STX8: variants seen among roughly 807,000 people sequenced by gnomAD.
STX8 encodes syntaxin 8.
Under a neutral mutation model 37.5 loss-of-function variants are expected in STX8, and 23 were observed. The observed-to-expected ratio is 0.61, with a 90% CI of 0.44 to 0.87. STX8 has a LOEUF of 0.87. Ranked by LOEUF, STX8 falls within the 40% of genes least tolerant of loss-of-function variation. The pLI is 0.00. For synonymous variants in STX8, 115 were observed against 99.1 expected, an observed-to-expected ratio of 1.16 and a Z score of -0.95; for missense variants, 313 against 284.7, an observed-to-expected ratio of 1.10 and a Z score of -0.71.
chr17:9,393,379 G>T (rs937132258), intron 6 of STX8, among the ~76,000 whole-genome samples: 1 of 152,178 alleles, frequency 6.6e-6, no homozygotes, highest in South Asian at 2.1e-4. Flanking sequence ...GAAGAAAAAC[G>T]ATACCAGTAG....
chr17:9,462,728 C>G (rs937609430), intron 6 of STX8, among the ~76,000 whole-genome samples: 1 of 152,038 alleles, frequency 6.6e-6, no homozygotes, highest in African/African-American at 2.4e-5. Flanking sequence ...GTCTCAACAA[C>G]GAAATAATTT....
At chr17:9,551,852 C>T (rs1226539345) in intron 3 of STX8, among the ~76,000 whole-genome samples, 1 of 151,526 alleles carries the variant, frequency 6.6e-6, no homozygotes, top group Non-Finnish European at 1.5e-5. Flanking sequence ...GGCACCTAGA[C>T]ATTCAGGTTT....
intron 5 of STX8, among the ~76,000 whole-genome samples, chr17:9,500,441 A>T (rs1359020596): frequency 1.2e-4 from 19 of 152,174 alleles, no homozygotes; most frequent in Non-Finnish European, 2.5e-4. Flanking sequence ...ATGGGAGAAC[A>T]CAGGTGGAAC....
chr17:9,350,148 G>A (rs114985217), intron 7 of STX8, among the ~76,000 whole-genome samples: 162 of 148,452 alleles, frequency 1.1e-3, no homozygotes, highest in African/African-American at 3.7e-3. Context: ...GCCATAGCTG[G>A]ATGTGAGGAG....
At chr17:9,473,114 C>T (rs1348704851) in intron 6 of STX8, among the ~76,000 whole-genome samples, 2 of 151,520 alleles carry the variant, frequency 1.3e-5, no homozygotes, top group African/African-American at 4.9e-5. Flanking sequence ...ACAATCTCAG[C>T]TCACTGCAAC....
At chr17:9,380,505 C>G (rs1397548821) in intron 6 of STX8, among the ~76,000 whole-genome samples, 1 of 151,734 alleles carries the variant, frequency 6.6e-6, no homozygotes, top group Non-Finnish European at 1.5e-5. Flanking sequence ...CCTCTTGTGT[C>G]AGCCTCTCAA....
At chr17:9,554,707 C>A (rs900418477) in intron 3 of STX8, 17 of 152,072 alleles carry the variant, frequency 1.1e-4, no homozygotes, top group Non-Finnish European at 2.5e-4. Flanking sequence ...GAGTTCAAGA[C>A]CAGCCTGGCC....
At position 9,518,502 on chromosome 17, in the gene STX8, T is replaced by TC. The variant is rs566925082; in HGVS notation, c.324-13341_324-13340insG. 7.9e-5 allele frequency among the ~76,000 whole-genome samples: 12 copies of TC among 152,282 alleles called. No homozygotes were observed. The East Asian group carries it at 2.3e-3, about 29-fold the overall frequency. ...ATGTGGGTTCCTTGGGAATTCGACT[T>TC]AGATCTGCTCCTCTCACGGTATTGT... On this transcript the variant is annotated intron_variant, in intron 4 of 7. Transcript: ENST00000306357.
At chr17:9,260,395 G>A (rs867967344) in intron 7 of STX8, among the ~76,000 whole-genome samples, 14 of 152,264 alleles carry the variant, frequency 9.2e-5, no homozygotes, top group South Asian at 2.1e-4. Context: ...AGGCCAAGGC[G>A]GGCGGATCCC....
intron 7 of STX8, among the ~76,000 whole-genome samples, chr17:9,270,408 C>T (rs954183514): frequency 9.9e-5 from 15 of 152,002 alleles, no homozygotes; most frequent in Admixed American, 5.2e-4. Flanking sequence ...CCACCACGCC[C>T]GGCTAATTTT....
intron 1 of STX8, among the ~76,000 whole-genome samples, chr17:9,572,396 G>A (rs956991843): frequency 6.7e-6 from 1 of 148,964 alleles, no homozygotes; most frequent in African/African-American, 2.5e-5. Flanking sequence ...GTTTTTATAG[G>A]TTGTTTTTGT....
intron 6 of STX8, among the ~76,000 whole-genome samples, chr17:9,435,215 C>T (rs750843641): frequency 6.6e-6 from 1 of 152,178 alleles, no homozygotes; most frequent in African/African-American, 2.4e-5. Flanking sequence ...GTGTTTTAGA[C>T]ATGTTGCATT....
intron 6 of STX8, among the ~76,000 whole-genome samples, chr17:9,451,981 G>A (rs982168429): frequency 6.6e-6 from 1 of 152,096 alleles, no homozygotes; most frequent in Admixed American, 6.6e-5. Flanking sequence ...AAACATGGAA[G>A]GATTTATTGC....
At chr17:9,494,925 C>G (rs779279843) in intron 5 of STX8, among the ~76,000 whole-genome samples, 1 of 151,944 alleles carries the variant, frequency 6.6e-6, no homozygotes, top group Non-Finnish European at 1.5e-5. Flanking sequence ...CGGAACACGC[C>G]GCATGAAGGT....
chr17:9,319,065 T>C (rs1909479868), intron 7 of STX8, among the ~76,000 whole-genome samples: 3 of 152,158 alleles, frequency 2.0e-5, no homozygotes, highest in African/African-American at 7.2e-5. Context: ...CTAGAGATTA[T>C]CTGATGAATT....
At chr17:9,398,467 G>A (rs1912486288) in intron 6 of STX8, among the ~76,000 whole-genome samples, 1 of 152,104 alleles carries the variant, frequency 6.6e-6, no homozygotes, top group South Asian at 2.1e-4. Flanking sequence ...ACAGCTCAGA[G>A]GAAACTAAGG....
intron 6 of STX8, among the ~76,000 whole-genome samples, chr17:9,392,087 C>T (rs545116870): frequency 1.3e-5 from 2 of 152,260 alleles, no homozygotes; most frequent in South Asian, 4.1e-4. Context: ...GTAGTTGGAA[C>T]CTGTGGCCTC....
chr17:9,432,409 G>C (rs1051701990), intron 6 of STX8, among the ~76,000 whole-genome samples: 2 of 152,022 alleles, frequency 1.3e-5, no homozygotes, highest in South Asian at 4.1e-4. Flanking sequence ...TTACAAACTA[G>C]AGCAAACAAC....
At chr17:9,324,887 C>T (rs1439892191) in intron 7 of STX8, among the ~76,000 whole-genome samples, 1 of 151,728 alleles carries the variant, frequency 6.6e-6, no homozygotes, top group Non-Finnish European at 1.5e-5. Context: ...GTTCCACTTA[C>T]AAATTTTTGA....
Sources: allele counts gnomAD v4.1 joint callset (sites outside exome capture counted in the v4.1 genomes callset), GRCh38; gene constraint gnomAD v4.1.1; transcripts MANE v1.5; gene names NCBI Gene and HGNC (gene_info 2026-07-23, HGNC 2026-07-21).